The following CDK6 variants were observed in gnomAD, a reference collection of about 807,000 sequenced individuals.
CDK6 encodes cyclin dependent kinase 6.
CDK6 carries 6 observed loss-of-function variants against 37.1 expected under a neutral mutation model. That is an observed-to-expected ratio of 0.16 (90% CI 0.09 to 0.32). CDK6 has a LOEUF of 0.32. Ranked by LOEUF, CDK6 falls within the 10% of genes least tolerant of loss-of-function variation. The pLI, the probability that CDK6 is intolerant of heterozygous loss-of-function variation, is 1.00. For missense variants in CDK6, 224 were observed against 418.9 expected (o/e 0.53, Z 4.06); for synonymous variants, 160 against 161.3 (o/e 0.99, Z 0.06).
chr7:92,717,026 T>G (rs553606060), intron 4 of CDK6, among the ~76,000 whole-genome samples: 11 of 152,246 alleles, frequency 7.2e-5, no homozygotes, highest in African/African-American at 2.4e-4. Flanking sequence ...CTTTTGAGAT[T>G]TTGAATGGCA....
chr7:92,698,513 T>C (rs1010235331), intron 4 of CDK6, among the ~76,000 whole-genome samples: 1 of 152,226 alleles, frequency 6.6e-6, no homozygotes, highest in Non-Finnish European at 1.5e-5. Context: ...TGTCCCTGTT[T>C]GGGGTTCTGC....
intron 4 of CDK6, chr7:92,725,061 G>T (rs1171434895): frequency 1.0e-6 from 1 of 985,158 alleles, no homozygotes; most frequent in African/African-American, 1.7e-5. Flanking sequence ...GCCAAAACAG[G>T]GCCGTTGGGT....
intron 5 of CDK6, among the ~76,000 whole-genome samples, chr7:92,659,107 C>T (rs904643302): frequency 1.3e-5 from 2 of 152,220 alleles, no homozygotes; most frequent in South Asian, 2.1e-4. Context: ...AAGAATGAGA[C>T]TTCAATGAGA....
chr7:92,811,395 G>A (rs1001314596), intron 2 of CDK6, among the ~76,000 whole-genome samples: 1 of 151,898 alleles, frequency 6.6e-6, no homozygotes, highest in African/African-American at 2.4e-5. Flanking sequence ...AAATATTTAC[G>A]CCCTCCTTAC....
chr7:92,619,445 G>A (rs1041060009), intron 6 of CDK6, among the ~76,000 whole-genome samples: 2 of 151,960 alleles, frequency 1.3e-5, no homozygotes, highest in East Asian at 1.9e-4. Flanking sequence ...TTTAGTGGAC[G>A]GGGTACATAG....
At chr7:92,755,406 C>T (rs1236755303) in intron 3 of CDK6, among the ~76,000 whole-genome samples, 1 of 151,954 alleles carries the variant, frequency 6.6e-6, no homozygotes, top group Non-Finnish European at 1.5e-5. Flanking sequence ...AATGGGGACA[C>T]TGCTGTGCCA....
At chr7:92,760,077 G>A (rs1444629164) in intron 3 of CDK6, among the ~76,000 whole-genome samples, 1 of 152,072 alleles carries the variant, frequency 6.6e-6, no homozygotes, top group Admixed American at 6.6e-5. Flanking sequence ...AGAAATCCCT[G>A]TATCAGTAAC....
intron 3 of CDK6, among the ~76,000 whole-genome samples, chr7:92,735,466 G>C (rs1798763485): frequency 6.6e-6 from 1 of 152,100 alleles, no homozygotes; most frequent in African/African-American, 2.4e-5. Context: ...ATTTTTTGGA[G>C]CCTCAGGTTT....
Position 92,834,054 on chromosome 7 carries a change from T to TC in CDK6, c.-367-365dup, listed in dbSNP as rs1016207759. On this transcript the variant is annotated intron_variant, in intron 1 of 7. Coordinates refer to ENST00000424848, the MANE Select transcript of CDK6 (RefSeq NM_001145306.2). This position sits in a 1 kb window ranked among gnomAD's most constrained non-coding sequence, Gnocchi z 4.6. ...CGTCAATGTCACGGCTTAATATTTA[T>TC]CCCTATATCATTGTGTTGCGCCGCT... 2.3e-5 allele frequency: 9 copies of TC among 394,728 alleles called. No homozygotes were observed. In the Admixed American group the frequency reaches 4.0e-4, roughly 17 times the overall value. The allele number at this position is 394,728 out of a possible 1,614,324, so 24.5% of individuals were successfully genotyped here.
intron 4 of CDK6, among the ~76,000 whole-genome samples, chr7:92,717,729 T>C (rs1798265395): frequency 6.6e-6 from 1 of 152,204 alleles, no homozygotes; most frequent in Non-Finnish European, 1.5e-5. Context: ...TAGAATTAGG[T>C]GAGTCAAATG....
chr7:92,743,104 T>G (rs988797633), intron 3 of CDK6, among the ~76,000 whole-genome samples: 1 of 151,972 alleles, frequency 6.6e-6, no homozygotes, highest in African/African-American at 2.4e-5. Flanking sequence ...CTGGGAGATT[T>G]TTGCACTGCA....
intron 5 of CDK6, among the ~76,000 whole-genome samples, chr7:92,660,053 AT>A (rs1337467231): frequency 6.6e-6 from 1 of 152,188 alleles, no homozygotes; most frequent in African/African-American, 2.4e-5. Context: ...TCTCCATTTT[AT>A]AGGTAAAGAC....
chr7:92,627,932 A>T (rs948875333), intron 5 of CDK6, among the ~76,000 whole-genome samples: 46 of 135,520 alleles, frequency 3.4e-4, no homozygotes, highest in South Asian at 9.2e-4. Flanking sequence ...AAAATAAATT[A>T]AAAAAAAAAC....
At chr7:92,795,612 T>C (rs538305992) in intron 2 of CDK6, among the ~76,000 whole-genome samples, 4 of 152,196 alleles carry the variant, frequency 2.6e-5, no homozygotes, top group South Asian at 2.1e-4. Context: ...TGTCCCAGTA[T>C]GGATTAAGGG....
At chr7:92,677,882 T>C (rs748465120) in intron 4 of CDK6, among the ~76,000 whole-genome samples, 24 of 152,206 alleles carry the variant, frequency 1.6e-4, no homozygotes, top group Non-Finnish European at 2.9e-4. Context: ...GATCCAAGTT[T>C]TTGAGAACAA....
At chr7:92,798,876 T>C (rs1050499844) in intron 2 of CDK6, among the ~76,000 whole-genome samples, 1 of 152,200 alleles carries the variant, frequency 6.6e-6, no homozygotes, top group Non-Finnish European at 1.5e-5. Context: ...TATTGTCTTC[T>C]TCTATATGGA....
intron 3 of CDK6, among the ~76,000 whole-genome samples, chr7:92,762,184 T>C (rs185731793): frequency 1.4e-4 from 22 of 152,296 alleles, no homozygotes; most frequent in Admixed American, 5.9e-4. Context: ...AGCAATGTAA[T>C]GTTTCAGGCA....
intron 5 of CDK6, among the ~76,000 whole-genome samples, chr7:92,630,175 C>T (rs1443615952): frequency 6.6e-6 from 1 of 152,096 alleles, no homozygotes; most frequent in African/African-American, 2.4e-5. Context: ...TGGGCTGGCA[C>T]ATTCTTGTCT....
At chr7:92,718,305 C>A (rs1051090465) in intron 4 of CDK6, among the ~76,000 whole-genome samples, 1 of 152,054 alleles carries the variant, frequency 6.6e-6, no homozygotes, top group African/African-American at 2.4e-5. Context: ...GGTGCCGAGG[C>A]GACGGGGCTT....
Sources: allele counts gnomAD v4.1 joint callset (sites outside exome capture counted in the v4.1 genomes callset), GRCh38; gene constraint gnomAD v4.1.1; non-coding constraint Gnocchi (gnomAD v3.1); transcripts MANE v1.5; gene names NCBI Gene and HGNC (gene_info 2026-07-23, HGNC 2026-07-21).